Variants in MFAP2 observed in about 807,000 individuals in gnomAD.
MFAP2 encodes microfibril associated protein 2.
A neutral mutation model predicts 30.6 loss-of-function variants in MFAP2; 23 were observed. That is an observed-to-expected ratio of 0.75 (90% CI 0.54 to 1.07). The LOEUF (loss-of-function observed/expected upper bound fraction) is 1.07. Among genes scored for constraint, MFAP2 ranks in the 50% least tolerant of loss-of-function variants. MFAP2 has a pLI of 0.00. For synonymous variants in MFAP2, 73 were observed against 85.7 expected, an observed-to-expected ratio of 0.85 and a Z score of 0.82; for missense variants, 198 against 223.8, an observed-to-expected ratio of 0.88 and a Z score of 0.74.
chr1:16,978,214 C>T (rs749114929), intron 2 of MFAP2, 23 bp downstream of exon 2: 9 of 1,562,438 alleles, frequency 5.8e-6, no homozygotes, highest in Non-Finnish European at 6.9e-6. Flanking sequence ...GAGGAGCTAC[C>T]CCCTGCCCCA....
In MFAP2 at chr1:16,975,367, C is replaced by A. The variant is rs755580579; in HGVS notation, c.375-25G>T. The A allele has an allele frequency of 6.2e-7, 1 of 1,609,816 alleles. No homozygotes were observed. The highest frequency in any genetic ancestry group is 8.5e-7 in the Non-Finnish European group (1 of 1,177,600). The stretch of plus-strand genomic sequence containing the variant: ...GCTGCGGGGACAGGGCACGGGAGGT[C>A]TCAGCCCCACTTCCACCCAATCCCA... On this transcript the variant is annotated intron_variant, in intron 7 of 8. Transcript: ENST00000375535. The surrounding 1 kb of genome is among the most constrained non-coding windows in gnomAD (Gnocchi z 5.0).
Position 16,976,874 on chromosome 1 carries a change from C to A in MFAP2, c.154+23G>T. Reference sequence around the variant, plus strand: ...TCCCCACCCCAGCTGCCGGCCCGTCCTATCCTACCCCTAGCCCGTTACCTT... The same window carrying A: ...TCCCCACCCCAGCTGCCGGCCCGTCATATCCTACCCCTAGCCCGTTACCTT... On this transcript the variant is annotated intron_variant, in intron 4 of 8. Transcript: ENST00000375535. This position sits in a 1 kb window ranked among gnomAD's most constrained non-coding sequence, Gnocchi z 5.5. The A allele has an allele frequency of 6.2e-7, 1 of 1,614,108 alleles. No individual in the cohort carries two copies. Among genetic ancestry groups the A allele is most frequent in the Non-Finnish European group, 8.5e-7 (1 of 1,179,974 alleles).
chr1:16,975,561 C>G lies in MFAP2; in HGVS notation c.374+82G>C, dbSNP rs565160795. ...TCACTATCTTTCCTCCAACTCCCAC[C>G]TTGGCGGGCCAGAGCTGTCCCCTGT... On this transcript the variant is annotated intron_variant, in intron 7 of 8. Transcript: ENST00000375535. The surrounding 1 kb of genome is among the most constrained non-coding windows in gnomAD (Gnocchi z 5.0). 2.1e-5 allele frequency: 30 copies of G among 1,451,768 alleles called. 1 individual carries two copies. The East Asian group carries it at 6.1e-4, about 29-fold the overall frequency. 89.9% of individuals were successfully genotyped at this position (1,451,768 alleles called of 1,614,324 possible). A position where few individuals can be genotyped will look rare whatever the true frequency, so the allele number is the denominator to read the frequency against.
rs2076592059 is a variant in MFAP2 at position 16,976,443 on chromosome 1, A to C, written c.286+58T>G. 6.2e-7 allele frequency: 1 copy of C among 1,607,220 alleles called. No homozygotes were observed. The highest frequency in any genetic ancestry group is 8.5e-7 in the Non-Finnish European group (1 of 1,174,242). On this transcript the variant is annotated intron_variant, in intron 6 of 8. Coordinates refer to ENST00000375535, the MANE Select transcript of MFAP2 (RefSeq NM_002403.4). This position sits in a 1 kb window ranked among gnomAD's most constrained non-coding sequence, Gnocchi z 5.5. ...CTCCAGCCCACCAGCACCACCCCCT[A>C]CTCCACCCCAACTTCAGGGCGTGCC...
upstream of MFAP2, chr1:16,980,713 C>T (rs2076632722): frequency 6.6e-6 from 1 of 152,190 alleles, no homozygotes; most frequent in African/African-American, 2.4e-5. Flanking sequence ...GCCGCTGGGT[C>T]CTAACGCGAG....
chr1:16,979,488 CT>C (rs973378481), intron 1 of MFAP2, among the ~76,000 whole-genome samples: 38 of 152,326 alleles, frequency 2.5e-4, no homozygotes, highest in African/African-American at 9.1e-4. Context: ...TCCTGACCCC[CT>C]GGCTCCTCTC....
chr1:16,975,198 G>A lies in MFAP2; in HGVS notation c.448+71C>T. On this transcript the variant is annotated intron_variant, in intron 8 of 8. Transcript: ENST00000375535. This position sits in a 1 kb window ranked among gnomAD's most constrained non-coding sequence, Gnocchi z 5.0. The stretch of plus-strand genomic sequence containing the variant: ...AATATGTGTTGAATAAACATCAGGT[G>A]GGTGGCTAGGTGGCCAGATAATGAT... The A allele has an allele frequency of 7.0e-7, 1 of 1,436,156 alleles. No individual in the cohort carries two copies. Among genetic ancestry groups the A allele is most frequent in the Non-Finnish European group, 9.7e-7 (1 of 1,026,842 alleles). 89.0% of individuals were successfully genotyped at this position (1,436,156 alleles called of 1,614,324 possible).
chr1:16,975,752 C>T lies in MFAP2; in HGVS notation c.287-22G>A, dbSNP rs1227183916. On this transcript the variant is annotated intron_variant, in intron 6 of 8. Transcript: ENST00000375535. The surrounding 1 kb of genome is among the most constrained non-coding windows in gnomAD (Gnocchi z 5.0). The stretch of plus-strand genomic sequence containing the variant: ...CAGTCTGGTGACAGGTGGGGTCAGA[C>T]TAGGAGCCCAGAGTGGGGGGCGGCC... The T allele has an allele frequency of 1.2e-6, 2 of 1,608,314 alleles. No individual in the cohort carries two copies. The highest frequency in any genetic ancestry group is 2.2e-5 in the East Asian group (1 of 44,684).
In MFAP2 at chr1:16,974,797, T is replaced by G. The variant is rs2076575012; in HGVS notation, c.*123A>C. 2 of 476,502 alleles carry G rather than the reference T, an allele frequency of 4.2e-6. No individual in the cohort carries two copies. Among genetic ancestry groups the G allele is most frequent in the Non-Finnish European group, 7.1e-6 (2 of 279,766 alleles). 29.5% of individuals were successfully genotyped at this position (476,502 alleles called of 1,614,324 possible). ...CACCGCAGCCTGCAACCCCCAGGGC[T>G]GCAGTCCACTAACTTTTTACAGAAT... On this transcript the variant is annotated 3_prime_UTR_variant, in exon 9 of 9. Coordinates refer to ENST00000375535, the MANE Select transcript of MFAP2 (RefSeq NM_002403.4).
chr1:16,978,432 G>T, intron 1 of MFAP2, 118 bp from the exon 2 acceptor site: 1 of 835,700 alleles, frequency 1.2e-6, no homozygotes, highest in Non-Finnish European at 1.9e-6. Flanking sequence ...AGCCAGGCAT[G>T]GGAGGGCTGG....
rs3830850 is a variant in MFAP2 at position 16,975,405 on chromosome 1, A to AGACAGAACCTGGCACGGGAGCCCG, written c.375-87_375-64dup. Reference sequence around the variant, plus strand: ...CCACCCAATCCCACTGGGATAGCCCAGACAGAACCTGGCACGGGAGCCCGG... The same window carrying AGACAGAACCTGGCACGGGAGCCCG: ...CCACCCAATCCCACTGGGATAGCCCAGACAGAACCTGGCACGGGAGCCCGGACAGAACCTGGCACGGGAGCCCGG... On this transcript the variant is annotated intron_variant, in intron 7 of 8. Coordinates refer to ENST00000375535, the MANE Select transcript of MFAP2 (RefSeq NM_002403.4). The surrounding 1 kb of genome is among the most constrained non-coding windows in gnomAD (Gnocchi z 5.0). 1.3e-4 allele frequency: 185 copies of AGACAGAACCTGGCACGGGAGCCCG among 1,462,388 alleles called. 1 individual carries two copies. Among genetic ancestry groups the AGACAGAACCTGGCACGGGAGCCCG allele is most frequent in the South Asian group, 6.4e-4 (54 of 83,886 alleles). The allele number at this position is 1,462,388 out of a possible 1,614,324, so 90.6% of individuals were successfully genotyped here.
chr1:16,981,268 TC>T (rs1420572885), upstream of MFAP2, among the ~76,000 whole-genome samples: 1 of 152,048 alleles, frequency 6.6e-6, no homozygotes, highest in Admixed American at 6.6e-5. Context: ...CAGGCATGAG[TC>T]CCTGCCCCCG....
chr1:16,978,173 C>T, intron 2 of MFAP2, 64 bp downstream of exon 2: 6 of 1,507,396 alleles, frequency 4.0e-6, no homozygotes, highest in Non-Finnish European at 5.4e-6. Flanking sequence ...ATGAATTCCC[C>T]CTACTAACCC....
At chr1:16,978,722 C>T (rs1384208993) in intron 1 of MFAP2, among the ~76,000 whole-genome samples, 3 of 152,214 alleles carry the variant, frequency 2.0e-5, no homozygotes, top group Non-Finnish European at 4.4e-5. Context: ...AATCACTGAA[C>T]CCAGGCCCAT....
chr1:16,979,342 A>C (rs61639910), intron 1 of MFAP2, among the ~76,000 whole-genome samples: 1,540 of 152,252 alleles, frequency 0.01, 33 homozygotes, highest in African/African-American at 0.036. Flanking sequence ...TCCCGGCTGC[A>C]ACCCAGGAAG....
chr1:16,975,829 C>T lies in MFAP2; in HGVS notation c.287-99G>A, dbSNP rs140254294. 5,787 of 970,950 alleles carry T rather than the reference C, an allele frequency of 6.0e-3. 32 individuals are homozygous for T. The highest frequency in any genetic ancestry group is 7.6e-3 in the Non-Finnish European group (4,823 of 634,846). The allele number at this position is 970,950 out of a possible 1,614,324, so 60.1% of individuals were successfully genotyped here. ...TCACAGGGCCTAGTCCCCCCTGTAC[C>T]TTCAGGCCCCGTGCAGACACCCATA... On this transcript the variant is annotated intron_variant, in intron 6 of 8. Transcript: ENST00000375535. The surrounding 1 kb of genome is among the most constrained non-coding windows in gnomAD (Gnocchi z 5.0).
rs1375063045 is a variant in MFAP2, at chr1:16,978,308, A to G, written c.-35T>C. ...GAGGCAGGCCGGGGTGGTGTCAGAG[A>G]GGACAGCTGGGGAAAGACCGGTGGG... On this transcript the variant is annotated 5_prime_UTR_variant, in exon 2 of 9. Transcript: ENST00000375535. 6.4e-7 allele frequency: 1 copy of G among 1,565,352 alleles called. No homozygotes were observed. Among genetic ancestry groups the G allele is most frequent in the Non-Finnish European group, 8.7e-7 (1 of 1,153,948 alleles).
chr1:16,975,610 G>C lies in MFAP2; in HGVS notation c.374+33C>G. 2 of 1,606,510 alleles carry C rather than the reference G, an allele frequency of 1.2e-6. No individual in the cohort carries two copies. Among genetic ancestry groups the C allele is most frequent in the Non-Finnish European group, 1.7e-6 (2 of 1,174,000 alleles). Reference sequence around the variant, plus strand: ...GTGCCCTCTAGCCCCCCATGCTCCGGAATCCTCCCGACAGCTGCCCATCTG... The same window carrying C: ...GTGCCCTCTAGCCCCCCATGCTCCGCAATCCTCCCGACAGCTGCCCATCTG... On this transcript the variant is annotated intron_variant, in intron 7 of 8. Coordinates refer to ENST00000375535, the MANE Select transcript of MFAP2 (RefSeq NM_002403.4). The surrounding 1 kb of genome is among the most constrained non-coding windows in gnomAD (Gnocchi z 5.0).
upstream of MFAP2, chr1:16,980,932 G>A (rs1277065186): frequency 6.6e-6 from 1 of 152,534 alleles, no homozygotes; most frequent in East Asian, 1.9e-4. Flanking sequence ...AGGAAATCAA[G>A]CCTCCCAAAG....
Sources: gnomAD v4.1 joint callset for allele counts (sites outside exome capture counted in the v4.1 genomes callset) on GRCh38, gnomAD v4.1.1 for gene constraint, Gnocchi (gnomAD v3.1) non-coding constraint, MANE v1.5 for transcripts, NCBI Gene and HGNC (gene_info 2026-07-23, HGNC 2026-07-21) for gene names.